Variants in CCSER1 observed in about 807,000 individuals in gnomAD.
The protein encoded by CCSER1 is serine-rich coiled-coil domain-containing protein 1.
In CCSER1, 41 loss-of-function variants were observed where a neutral mutation model predicts 82.0. The observed-to-expected ratio is 0.50, with a 90% CI of 0.39 to 0.65. The LOEUF is 0.65. Ranked by LOEUF, CCSER1 falls within the 30% of genes least tolerant of loss-of-function variation. CCSER1 has a pLI of 0.00. For synonymous variants in CCSER1, 414 were observed against 383.9 expected, an observed-to-expected ratio of 1.08 and a Z score of -0.92; for missense variants, 1,119 against 1,064.2, an observed-to-expected ratio of 1.05 and a Z score of -0.72.
intron 9 of CCSER1, among the ~76,000 whole-genome samples, chr4:90,945,062 A>C (rs1732067696): frequency 6.6e-6 from 1 of 152,296 alleles, no homozygotes; most frequent in African/African-American, 2.4e-5. Flanking sequence ...AGTGAGAGAT[A>C]GGAGAGATTG....
At chr4:91,047,304 C>T (rs1488624400) in intron 9 of CCSER1, among the ~76,000 whole-genome samples, 1 of 151,988 alleles carries the variant, frequency 6.6e-6, no homozygotes, top group Non-Finnish European at 1.5e-5. Context: ...ATATATTCAC[C>T]TCAGAATGAT....
At position 90,400,025 on chromosome 4, in the gene CCSER1, T is replaced by G. The variant is rs1752590445; in HGVS notation, c.1510-11T>G. The G allele has an allele frequency of 6.4e-7, 1 of 1,553,930 alleles. No individual in the cohort carries two copies. The highest frequency in any genetic ancestry group is 1.4e-5 in the African/African-American group (1 of 73,748). On this transcript the variant is annotated splice_polypyrimidine_tract_variant and intron_variant, in intron 3 of 10. Transcript: ENST00000509176. The stretch of plus-strand genomic sequence containing the variant: ...TTTGGTTTCTAATTGTTGGTTTTGA[T>G]TTTTCTTCAGGATGTTTTGAATAAT...
rs75478770 is a variant in CCSER1 at position 91,144,428 on chromosome 4, C to A, written c.2217+58434C>A. Among the ~76,000 whole-genome samples, 792 of 151,604 alleles carry A rather than the reference C, an allele frequency of 5.2e-3. 6 individuals carry two copies. Among genetic ancestry groups the A allele is most frequent in the African/African-American group, 0.018 (751 of 41,424 alleles). The stretch of plus-strand genomic sequence containing the variant: ...AGAACCAATTTTTATTTTTGTTGAT[C>A]TTTTGTATGAATTTTTGGGTCTCAA... On this transcript the variant is annotated intron_variant, in intron 10 of 10. Transcript: ENST00000509176.
intron 9 of CCSER1, among the ~76,000 whole-genome samples, chr4:90,954,505 T>G (rs1733231837): frequency 6.6e-6 from 1 of 152,214 alleles, no homozygotes; most frequent in Middle Eastern, 3.4e-3. Flanking sequence ...CTGAAGGAAT[T>G]CTTAACATAG....
At chr4:90,535,745 A>T (rs1426760918) in intron 5 of CCSER1, among the ~76,000 whole-genome samples, 3 of 152,194 alleles carry the variant, frequency 2.0e-5, no homozygotes, top group African/African-American at 7.2e-5. Context: ...TTGTATGTGA[A>T]GAGTCACAGA....
intron 10 of CCSER1, among the ~76,000 whole-genome samples, chr4:91,406,609 G>GT (rs1354459924): frequency 4.6e-5 from 7 of 152,158 alleles, no homozygotes; most frequent in Non-Finnish European, 1.0e-4. Flanking sequence ...CGCATGTTAT[G>GT]TAAGAATGTG....
rs1194690515 is a variant in CCSER1 at position 90,933,042 on chromosome 4, A to AAGAGAGAGAGAGAGAG, written c.2172+9600_2172+9601insGAGAGAGAGAGAGAGA. Among the ~76,000 whole-genome samples, 2 of 79,484 alleles carry AAGAGAGAGAGAGAGAG rather than the reference A, an allele frequency of 2.5e-5. 1 individual carries two copies. The highest frequency in any genetic ancestry group is 1.5e-4 in the African/African-American group (2 of 13,488). 52.1% of individuals were successfully genotyped at this position (79,484 alleles called of 152,430 possible). A position where few individuals can be genotyped will look rare whatever the true frequency, so the allele number is the denominator to read the frequency against. ...AAAGAAAGAAAGAAAGAAAGAAAGA[A>AAGAGAGAGAGAGAGAG]AGAGAAGGAAGGAACGAAGGAAAGA... On this transcript the variant is annotated intron_variant, in intron 9 of 10. Transcript: ENST00000509176.
chr4:90,672,084 G>T (rs1732902490), intron 6 of CCSER1, among the ~76,000 whole-genome samples: 1 of 151,954 alleles, frequency 6.6e-6, no homozygotes, highest in South Asian at 2.1e-4. Flanking sequence ...ATTGAGCATG[G>T]GCAGAGTAGA....
chr4:90,588,963 A>G lies in CCSER1; in HGVS notation c.1725-39062A>G, dbSNP rs1286741552. 7.9e-5 allele frequency among the ~76,000 whole-genome samples: 12 copies of G among 152,330 alleles called. 1 individual carries two copies. In the East Asian group the frequency reaches 2.3e-3, roughly 29 times the overall value. ...ATGAGAATGGACTCATAAAACTGGT[A>G]TGCAAATAAGCAGACTCTACATCAT... On this transcript the variant is annotated intron_variant, in intron 5 of 10. Transcript: ENST00000509176.
chr4:91,080,824 G>GGATAAAT (rs751652041), intron 9 of CCSER1, among the ~76,000 whole-genome samples: 58 of 152,256 alleles, frequency 3.8e-4, no homozygotes, highest in Non-Finnish European at 8.5e-4. Flanking sequence ...TAGAAGAAAT[G>GGATAAAT]GATAAATTCC....
intron 6 of CCSER1, among the ~76,000 whole-genome samples, chr4:90,649,208 A>G (rs1728269560): frequency 6.6e-6 from 1 of 152,198 alleles, no homozygotes; most frequent in Admixed American, 6.5e-5. Flanking sequence ...GGGAGAAATG[A>G]AGATCAACTT....
Position 90,416,716 on chromosome 4 carries a change from A to G in CCSER1, c.1603+16587A>G, listed in dbSNP as rs557304857. Among the ~76,000 whole-genome samples, 343 of 152,320 alleles carry G rather than the reference A, an allele frequency of 2.3e-3. 2 individuals carry two copies. Among genetic ancestry groups the G allele is most frequent in the African/African-American group, 8.0e-3 (334 of 41,574 alleles). On this transcript the variant is annotated intron_variant, in intron 4 of 10. Coordinates refer to ENST00000509176, the MANE Select transcript of CCSER1 (RefSeq NM_001145065.2). ...TTTTATCATTATTATAAATTATTTT[A>G]AAATGTGCTTTCTGATTTAAATGTT...
At chr4:91,318,932 GA>G (rs1450018707) in intron 10 of CCSER1, 2 of 153,842 alleles carry the variant, frequency 1.3e-5, no homozygotes, top group South Asian at 2.0e-4. Flanking sequence ...TCATGGAGAG[GA>G]AAAAAAATGA....
chr4:90,897,032 C>CT (rs893046839), intron 8 of CCSER1, among the ~76,000 whole-genome samples: 1 of 151,670 alleles, frequency 6.6e-6, no homozygotes, highest in Non-Finnish European at 1.5e-5. Flanking sequence ...CAAATTTTTC[C>CT]TTTTTTCTCT....
intron 7 of CCSER1, among the ~76,000 whole-genome samples, chr4:90,734,821 C>G (rs1253834214): frequency 6.6e-6 from 1 of 151,982 alleles, no homozygotes; most frequent in Non-Finnish European, 1.5e-5. Context: ...ATTTCTTTCC[C>G]TTTTCTGATT....
At chr4:91,565,795 T>C (rs1321211072) in intron 10 of CCSER1, among the ~76,000 whole-genome samples, 1 of 151,632 alleles carries the variant, frequency 6.6e-6, no homozygotes, top group Non-Finnish European at 1.5e-5. Context: ...GAGCAGCTAT[T>C]GGGCTAGGGT....
chr4:90,186,082 G>T (rs1218655232), intron 1 of CCSER1, among the ~76,000 whole-genome samples: 2 of 152,012 alleles, frequency 1.3e-5, no homozygotes, highest in African/African-American at 2.4e-5. Flanking sequence ...TTGTCTAGGA[G>T]TGGAACAGAA....
intron 5 of CCSER1, among the ~76,000 whole-genome samples, chr4:90,469,513 T>C (rs17017048): frequency 0.028 from 3,939 of 138,690 alleles, 179 homozygotes; most frequent in African/African-American, 0.1. Flanking sequence ...CTCAAATGTG[T>C]TTTCCTGCAA....
At chr4:91,592,753 TC>T (rs1225275581) in intron 10 of CCSER1, among the ~76,000 whole-genome samples, 2 of 150,578 alleles carry the variant, frequency 1.3e-5, no homozygotes, top group Non-Finnish European at 3.0e-5. Flanking sequence ...ATACCAGTTT[TC>T]CTAGATGGCT....
Sources: allele counts gnomAD v4.1 joint callset (sites outside exome capture counted in the v4.1 genomes callset), GRCh38; gene constraint gnomAD v4.1.1; transcripts MANE v1.5; gene names NCBI Gene and HGNC (gene_info 2026-07-23, HGNC 2026-07-21).